The following CHP1 variants were observed in gnomAD, a reference collection of about 807,000 sequenced individuals.
CHP1 encodes the protein calcineurin like EF-hand protein 1.
A neutral mutation model predicts 27.4 loss-of-function variants in CHP1; 11 were observed. That is an observed-to-expected ratio of 0.40 (90% confidence interval 0.25 to 0.67). CHP1 has a LOEUF of 0.67. CHP1 is among the 30% of genes least tolerant of loss of function. CHP1 has a pLI of 0.38. For synonymous variants in CHP1, 89 were observed against 87.4 expected (o/e 1.02, Z -0.10); for missense variants, 169 against 251.3 (o/e 0.67, Z 2.22).
At chr15:41,275,825 C>T (rs552750825) in intron 5 of CHP1, among the ~76,000 whole-genome samples, 1 of 152,004 alleles carries the variant, frequency 6.6e-6, no homozygotes, top group East Asian at 2.0e-4. Flanking sequence ...AAGCGATTCT[C>T]ATGCCTCAGC....
At chr15:41,279,039 C>T (rs1477392867) in intron 6 of CHP1, 150 bp downstream of exon 6, 13 of 1,009,660 alleles carry the variant, frequency 1.3e-5, no homozygotes, top group Admixed American at 2.7e-5. Flanking sequence ...GGTGAAACCT[C>T]ATCTGTACTA....
At chr15:41,237,696 G>A (rs1039340692) in intron 1 of CHP1, among the ~76,000 whole-genome samples, 6 of 152,004 alleles carry the variant, frequency 3.9e-5, no homozygotes, top group African/African-American at 1.2e-4. Context: ...TCTGCATTAA[G>A]ATTTGGAATA....
At chr15:41,278,332 C>CAA (rs61453137) in intron 5 of CHP1, among the ~76,000 whole-genome samples, 118 of 78,246 alleles carry the variant, frequency 1.5e-3, no homozygotes, top group African/African-American at 2.6e-3. Context: ...GACTCCGTCT[C>CAA]AAAAAAAAAA....
chr15:41,240,721 C>T (rs1356397394), intron 1 of CHP1, among the ~76,000 whole-genome samples: 1 of 147,330 alleles, frequency 6.8e-6, no homozygotes, highest in Non-Finnish European at 1.5e-5. Flanking sequence ...CCATTGCGCT[C>T]CAGCCTGGGC....
intron 6 of CHP1, among the ~76,000 whole-genome samples, 167 bp downstream of exon 6, chr15:41,279,056 C>A (rs1177949753): frequency 6.6e-6 from 1 of 151,926 alleles, no homozygotes; most frequent in Non-Finnish European, 1.5e-5. Context: ...ACTAAAAATA[C>A]AAAAATTAGC....
At chr15:41,234,310 T>TA (rs903868781) in intron 1 of CHP1, 2 of 152,294 alleles carry the variant, frequency 1.3e-5, no homozygotes, top group East Asian at 3.9e-4. Flanking sequence ...TTTTGAAGAA[T>TA]AAAAACGGAT....
At chr15:41,244,140 GTGAGC>G (rs1361089144) in intron 2 of CHP1, among the ~76,000 whole-genome samples, 1 of 149,086 alleles carries the variant, frequency 6.7e-6, no homozygotes, top group Non-Finnish European at 1.5e-5. Context: ...AGAGGTCGCA[GTGAGC>G]AAAGATCACG....
At position 41,273,332 on chromosome 15, in the gene CHP1, A is replaced by C. The variant is rs2047500883; in HGVS notation, c.411+2714A>C. ...AAAAACTGAGTGGTCTTTTCCATAG[A>C]AAAATGTAATTGATAAAATTCACCA... On this transcript the variant is annotated intron_variant, in intron 5 of 6. Transcript: ENST00000334660. Among the ~76,000 whole-genome samples the C allele has an allele frequency of 6.6e-5, 10 of 152,214 alleles. No homozygotes were observed. In the South Asian group the frequency reaches 2.1e-3, roughly 32 times the overall value.
chr15:41,235,385 A>T (rs2047271802), intron 1 of CHP1, among the ~76,000 whole-genome samples: 2 of 152,098 alleles, frequency 1.3e-5, no homozygotes, highest in Admixed American at 1.3e-4. Context: ...AATTAGCTGG[A>T]CATGGTGAAG....
At chr15:41,238,130 C>T (rs1490390292) in intron 1 of CHP1, among the ~76,000 whole-genome samples, 6 of 152,050 alleles carry the variant, frequency 3.9e-5, no homozygotes, top group East Asian at 1.9e-4. Context: ...ATTTCAGCAA[C>T]GTTAACAGGG....
At chr15:41,249,228 T>G (rs1458858134) in intron 2 of CHP1, among the ~76,000 whole-genome samples, 3 of 152,086 alleles carry the variant, frequency 2.0e-5, no homozygotes, top group Non-Finnish European at 4.4e-5. Flanking sequence ...TGCCCAGGCT[T>G]GATTGCAGTG....
At position 41,279,718 on chromosome 15, in the gene CHP1, G is replaced by T. The variant is rs1376452706; in HGVS notation, c.*329G>T. ...AGGCAATCATGCCAAGAACAAGCCA[G>T]CAAAGCTCTTTCACCAGATGTAGAC... is the stretch of plus-strand genomic sequence containing the variant. On this transcript the variant is annotated 3_prime_UTR_variant, in exon 7 of 7. Transcript: ENST00000334660. 3.7e-6 allele frequency: 1 copy of T among 273,832 alleles called. No homozygotes were observed. The highest frequency in any genetic ancestry group is 2.2e-5 in the African/African-American group (1 of 45,756). 17.0% of individuals were successfully genotyped at this position (273,832 alleles called of 1,614,324 possible). A position where few individuals can be genotyped will look rare whatever the true frequency, so the allele number is the denominator to read the frequency against.
intron 3 of CHP1, among the ~76,000 whole-genome samples, chr15:41,260,810 A>G (rs111523095): frequency 0.017 from 2,576 of 152,238 alleles, 74 homozygotes; most frequent in African/African-American, 0.059. Flanking sequence ...TGATTGGAGA[A>G]ATGCTTAAAA....
chr15:41,274,114 C>T (rs1408676796), intron 5 of CHP1, among the ~76,000 whole-genome samples: 1 of 151,960 alleles, frequency 6.6e-6, no homozygotes, highest in Non-Finnish European at 1.5e-5. Flanking sequence ...GCACCTGCCA[C>T]CACGCCTGGC....
rs181110270 is a variant in CHP1, at chr15:41,245,157, C to A, written c.140+1418C>A. Among the ~76,000 whole-genome samples the A allele has an allele frequency of 1.0e-3, 152 of 152,224 alleles. 1 individual carries two copies. The highest frequency in any genetic ancestry group is 3.3e-3 in the Admixed American group (50 of 15,270). On this transcript the variant is annotated intron_variant, in intron 2 of 6. Coordinates refer to ENST00000334660, the MANE Select transcript of CHP1 (RefSeq NM_007236.5). ...ATTCATATAAATGGAATTATATGGC[C>A]CTCTCATAACTGACTTCTTCTGGCT... is the stretch of plus-strand genomic sequence containing the variant.
At chr15:41,240,753 CAAAAA>C (rs750044405) in intron 1 of CHP1, among the ~76,000 whole-genome samples, 1 of 54,170 alleles carries the variant, frequency 1.8e-5, no homozygotes, top group Non-Finnish European at 4.1e-5. Context: ...AACTCTATCT[CAAAAA>C]AAAAAAAAAA....
At chr15:41,246,009 T>C (rs1371793999) in intron 2 of CHP1, among the ~76,000 whole-genome samples, 1 of 150,896 alleles carries the variant, frequency 6.6e-6, no homozygotes, top group East Asian at 1.9e-4. Context: ...TCCAACATCA[T>C]TTTTTTTTGC....
chr15:41,233,767 C>A (rs2047263933), intron 1 of CHP1, among the ~76,000 whole-genome samples: 1 of 152,028 alleles, frequency 6.6e-6, no homozygotes. Flanking sequence ...GGGCTGTCCT[C>A]ATGGAGGACA....
At position 41,248,009 on chromosome 15, in the gene CHP1, T is replaced by TAAAA. The variant is rs201152259; in HGVS notation, c.140+4272_140+4273insAAAA. On this transcript the variant is annotated intron_variant, in intron 2 of 6. Coordinates refer to ENST00000334660, the MANE Select transcript of CHP1 (RefSeq NM_007236.5). ...TAAATAAAATAAATAAATAAATAAA[T>TAAAA]AAGTATCTAAGTAAGATTTGCTCAA... is the stretch of plus-strand genomic sequence containing the variant. Among the ~76,000 whole-genome samples, 393 of 151,826 alleles carry TAAAA rather than the reference T, an allele frequency of 2.6e-3. 2 individuals are homozygous for TAAAA. The highest frequency in any genetic ancestry group is 4.9e-3 in the Non-Finnish European group (331 of 67,918).
Sources: gnomAD v4.1 joint callset for allele counts (sites outside exome capture counted in the v4.1 genomes callset) on GRCh38, gnomAD v4.1.1 for gene constraint, MANE v1.5 for transcripts, NCBI Gene and HGNC (gene_info 2026-07-23, HGNC 2026-07-21) for gene names.